MAP3K4: variants seen among roughly 807,000 people sequenced by gnomAD.
MAP3K4 encodes MAP three kinase 1.
A neutral mutation model predicts 185.6 loss-of-function variants in MAP3K4; 67 were observed. The observed-to-expected ratio is 0.36, with a 90% confidence interval of 0.30 to 0.44. The LOEUF (loss-of-function observed/expected upper bound fraction) is 0.44. Among genes scored for constraint, MAP3K4 ranks in the 20% least tolerant of loss-of-function variants. MAP3K4 has a pLI of 1.00. For synonymous variants in MAP3K4, 702 were observed against 710.4 expected, an observed-to-expected ratio of 0.99 and a Z score of 0.19; for missense variants, 1,551 against 1,995.1, an observed-to-expected ratio of 0.78 and a Z score of 4.24.
At chr6:161,055,828 A>C (rs911750788) in intron 3 of MAP3K4, among the ~76,000 whole-genome samples, 1 of 152,008 alleles carries the variant, frequency 6.6e-6, no homozygotes, top group African/African-American at 2.4e-5. Flanking sequence ...AGGAGTTACT[A>C]TTTTTTCCTT....
intron 6 of MAP3K4, among the ~76,000 whole-genome samples, chr6:161,083,038 C>T (rs1249146765): frequency 1.3e-5 from 2 of 152,172 alleles, no homozygotes; most frequent in Admixed American, 6.5e-5. Context: ...GTCCTGTGCT[C>T]GCTTCCCAGC....
Position 161,002,870 on chromosome 6 carries a change from C to T in MAP3K4, c.152+10787C>T, listed in dbSNP as rs774388544. On this transcript the variant is annotated intron_variant, in intron 1 of 26. Coordinates refer to ENST00000392142, the MANE Select transcript of MAP3K4 (RefSeq NM_005922.4). The stretch of plus-strand genomic sequence containing the variant: ...CCTCCCAAAGTGCTGGGATTACAGG[C>T]GTGAGCTCCCGCACCCGGCCGGCAT... 7.2e-5 allele frequency among the ~76,000 whole-genome samples: 11 copies of T among 152,196 alleles called. No homozygotes were observed. In the South Asian group the frequency reaches 1.0e-3, roughly 14 times the overall value.
chr6:161,111,710 G>C (rs984502806), intron 23 of MAP3K4, 126 bp from the exon 24 acceptor site: 3 of 965,424 alleles, frequency 3.1e-6, no homozygotes, highest in Admixed American at 2.4e-5. Flanking sequence ...CACTTTGTAA[G>C]TCAAGTTTCA....
chr6:161,086,381 G>T lies in MAP3K4; in HGVS notation c.2375G>T (p.Arg792Met). Residue 792 changes from arginine to methionine, a missense_variant and splice_region_variant, in exon 8 of 27, where the codon AGG becomes ATG. Arg to Met is a moderately conservative substitution (Grantham distance 91, BLOSUM62 -1). Transcript: ENST00000392142. This position sits in a 1 kb window ranked among gnomAD's most constrained non-coding sequence, Gnocchi z 4.8. ...CTGGACTTGAATCCACTTGGCAGGA[G>T]GTCTGTTATAGAGATCAGTCGAGCC... ...DDSSASDEIR[R>M]SVIEISRALK... The T allele has an allele frequency of 1.9e-6, 3 of 1,601,266 alleles. No homozygotes were observed. Among genetic ancestry groups the T allele is most frequent in the Non-Finnish European group, 2.6e-6 (3 of 1,171,434 alleles).
intron 11 of MAP3K4, 44 bp downstream of exon 11, chr6:161,089,515 A>T: frequency 6.2e-7 from 1 of 1,604,836 alleles, no homozygotes; most frequent in South Asian, 1.1e-5. Context: ...TTCCTTTTTG[A>T]TGAAAGTCAG....
rs1486882384 is a variant in MAP3K4 at position 161,056,446 on chromosome 6, A to G, written c.1707+6467A>G. Among the ~76,000 whole-genome samples, 1 of 152,208 alleles carries G rather than the reference A, an allele frequency of 6.6e-6. No homozygotes were observed. Among genetic ancestry groups the G allele is most frequent in the African/African-American group, 2.4e-5 (1 of 41,452 alleles). On this transcript the variant is annotated intron_variant, in intron 3 of 26. Coordinates refer to ENST00000392142, the MANE Select transcript of MAP3K4 (RefSeq NM_005922.4). This position sits in a 1 kb window ranked among gnomAD's most constrained non-coding sequence, Gnocchi z 5.4. ...ACACAGATTTATAATTCCCTATCTA[A>G]AATAATCATGAGTTCATACTGATGT...
At chr6:161,029,924 T>A (rs928060767) in intron 1 of MAP3K4, among the ~76,000 whole-genome samples, 2 of 152,198 alleles carry the variant, frequency 1.3e-5, no homozygotes, top group African/African-American at 2.4e-5. Flanking sequence ...ATGTTACTTC[T>A]AAGCTAAGGC....
Position 161,097,166 on chromosome 6 carries a change from G to T in MAP3K4, c.3514G>T (p.Glu1172Ter). The change falls in exon 16 of 27, where the codon GAG (glutamate) becomes TAG (stop). Residue 1172 changes from glutamate to a stop codon, truncating the protein, a stop_gained. Transcript: ENST00000392142. LOFTEE classifies it high-confidence loss of function. The surrounding 1 kb of genome is among the most constrained non-coding windows in gnomAD (Gnocchi z 4.9). ...CCCACACCTCATTATCCCCACTCCAGAGGGATTCAGGTATTTGGTGCTTAT... is the reference window on the plus strand; with the variant it reads ...CCCACACCTCATTATCCCCACTCCATAGGGATTCAGGTATTTGGTGCTTAT... ...PNPHLIIPTP[E>*]GFSTRSMPSD... The T allele has an allele frequency of 6.2e-7, 1 of 1,613,936 alleles. No individual in the cohort carries two copies. Among genetic ancestry groups the T allele is most frequent in the Non-Finnish European group, 8.5e-7 (1 of 1,179,838 alleles).
Position 161,082,981 on chromosome 6 carries a change from A to C in MAP3K4, c.2256-1520A>C, listed in dbSNP as rs1315508289. ...CTAACAATGGCCCGCAAGGCCTGAC[A>C]TGGTCCTATTTCTCATTACGTCTTT... On this transcript the variant is annotated intron_variant, in intron 6 of 26. Transcript: ENST00000392142. The surrounding 1 kb of genome is among the most constrained non-coding windows in gnomAD (Gnocchi z 4.2). Among the ~76,000 whole-genome samples, 1 of 152,110 alleles carries C rather than the reference A, an allele frequency of 6.6e-6. No homozygotes were observed. The highest frequency in any genetic ancestry group is 2.4e-5 in the African/African-American group (1 of 41,400).
Position 161,108,960 on chromosome 6 carries a change from A to C in MAP3K4, c.4236+101A>C, listed in dbSNP as rs1242981754. 1 of 1,611,322 alleles carries C rather than the reference A, an allele frequency of 6.2e-7. No homozygotes were observed. The highest frequency in any genetic ancestry group is 1.7e-5 in the Admixed American group (1 of 59,994). On this transcript the variant is annotated intron_variant, in intron 22 of 26. Coordinates refer to ENST00000392142, the MANE Select transcript of MAP3K4 (RefSeq NM_005922.4). The surrounding 1 kb of genome is among the most constrained non-coding windows in gnomAD (Gnocchi z 5.7). ...GGTCTTCTCATTTCAGAGCACAGTA[A>C]CTTTGCCTAATTCTCAGGAAATCTC... is the stretch of plus-strand genomic sequence containing the variant.
rs531643297 is a variant in MAP3K4, at chr6:161,078,058, A to G, written c.2098-2823A>G. On this transcript the variant is annotated intron_variant, in intron 5 of 26. Coordinates refer to ENST00000392142, the MANE Select transcript of MAP3K4 (RefSeq NM_005922.4). ...GGTTTGCATGTTTGGGACCAGGAAG[A>G]TTTTATACCAAATGACTTCTATTTT... is the stretch of plus-strand genomic sequence containing the variant. Among the ~76,000 whole-genome samples, 53 of 152,264 alleles carry G rather than the reference A, an allele frequency of 3.5e-4. 1 individual carries two copies. The highest frequency in any genetic ancestry group is 1.4e-3 in the Admixed American group (21 of 15,296).
chr6:161,099,622 G>A (rs868853457), intron 17 of MAP3K4, among the ~76,000 whole-genome samples: 1 of 152,180 alleles, frequency 6.6e-6, no homozygotes, highest in African/African-American at 2.4e-5. Context: ...ACAGACTGAA[G>A]AGAAGTGATT....
chr6:161,109,804 A>G lies in MAP3K4; in HGVS notation c.4286A>G (p.Glu1429Gly). The change falls in exon 23 of 27, where the codon GAG becomes GGG. Residue 1429 changes from glutamate (E) to glycine (G), a missense_variant. Transcript: ENST00000392142. The surrounding 1 kb of genome is among the most constrained non-coding windows in gnomAD (Gnocchi z 5.7). ...MEYCDEGTLE[E>G]VSRLGLQEHV... ...TACTGCGATGAGGGGACTTTAGAAG[A>G]GGTGTCAAGGCTGGGACTTCAGGAA... 6.2e-7 allele frequency: 1 copy of G among 1,614,148 alleles called. No individual in the cohort carries two copies. Among genetic ancestry groups the G allele is most frequent in the Non-Finnish European group, 8.5e-7 (1 of 1,180,012 alleles).
intron 3 of MAP3K4, among the ~76,000 whole-genome samples, chr6:161,059,696 T>C (rs1325778281): frequency 6.6e-6 from 1 of 152,298 alleles, no homozygotes; most frequent in East Asian, 1.9e-4. Flanking sequence ...TCATGTCTGT[T>C]GTTATTTTAT....
rs146550370 is a variant in MAP3K4 at position 161,031,242 on chromosome 6, T to C, written c.153-3017T>C. Among the ~76,000 whole-genome samples, 1,211 of 152,340 alleles carry C rather than the reference T, an allele frequency of 7.9e-3. 15 individuals are homozygous for C. The highest frequency in any genetic ancestry group is 0.027 in the African/African-American group (1,131 of 41,576). On this transcript the variant is annotated intron_variant, in intron 1 of 26. Transcript: ENST00000392142. ...ATCGGAAAACAAGGGACTGTTAGCT[T>C]CTATAGAATTATTACAAGGATTTAT...
chr6:161,108,460 G>A lies in MAP3K4; in HGVS notation c.4120-283G>A, dbSNP rs1583245492. Among the ~76,000 whole-genome samples the A allele has an allele frequency of 6.6e-6, 1 of 152,096 alleles. No homozygotes were observed. Among genetic ancestry groups the A allele is most frequent in the Admixed American group, 6.5e-5 (1 of 15,278 alleles). Reference sequence around the variant, plus strand: ...AGAGGAGTGGAGAGGGGAGGCTCCAGCGTCTTGCACTTGCCGTGGAGCCGC... The same window carrying A: ...AGAGGAGTGGAGAGGGGAGGCTCCAACGTCTTGCACTTGCCGTGGAGCCGC... On this transcript the variant is annotated intron_variant, in intron 21 of 26. Transcript: ENST00000392142. The surrounding 1 kb of genome is among the most constrained non-coding windows in gnomAD (Gnocchi z 5.7).
In MAP3K4 at chr6:161,087,802, G is replaced by A; in HGVS notation, c.2671G>A (p.Asp891Asn). ...AGCTGCAGGAAAGGACTGTTCAAAA[G>A]ATTCAGATGACGTACTCATCGATGC... ...NAAAGKDCSK[D>N]SDDVLIDAYL... is the part of the protein sequence containing the mutation. The change falls in exon 10 of 27, where the codon GAT (aspartate) becomes AAT (asparagine). Residue 891 changes from aspartate to asparagine, a missense_variant. This residue lies in a region of MAP3K4 where 261 missense variants were observed against 306.5 expected (regional missense o/e 0.85). Transcript: ENST00000392142. The surrounding 1 kb of genome is among the most constrained non-coding windows in gnomAD (Gnocchi z 4.9). The A allele has an allele frequency of 1.2e-6, 2 of 1,614,174 alleles. No individual in the cohort carries two copies. The highest frequency in any genetic ancestry group is 1.7e-6 in the Non-Finnish European group (2 of 1,180,028).
chr6:161,072,178 A>G (rs1784975791), intron 4 of MAP3K4, among the ~76,000 whole-genome samples: 1 of 152,232 alleles, frequency 6.6e-6, no homozygotes, highest in Admixed American at 6.5e-5. Flanking sequence ...ATTTAACTGT[A>G]GCCATAGCTC....
rs1017166335 is a variant in MAP3K4 at position 161,109,448 on chromosome 6, G to T, written c.4237-307G>T. Among the ~76,000 whole-genome samples the T allele has an allele frequency of 2.0e-5, 3 of 152,160 alleles. No homozygotes were observed. ...ATGTATTTGTAGGGACAGCCCTGTT[G>T]GTCCCTGTCTGAGATTATATAGCAG... On this transcript the variant is annotated intron_variant, in intron 22 of 26. Coordinates refer to ENST00000392142, the MANE Select transcript of MAP3K4 (RefSeq NM_005922.4). The surrounding 1 kb of genome is among the most constrained non-coding windows in gnomAD (Gnocchi z 5.7).
Sources: gnomAD v4.1 joint callset for allele counts (sites outside exome capture counted in the v4.1 genomes callset) on GRCh38, gnomAD v4.1.1 for gene constraint, gnomAD v4.1.1 regional missense constraint, Gnocchi (gnomAD v3.1) non-coding constraint, MANE v1.5 for transcripts, NCBI Gene and HGNC (gene_info 2026-07-23, HGNC 2026-07-21) for gene names.